SCHIP1: variants seen among roughly 807,000 people sequenced by gnomAD.
SCHIP1 encodes schwannomin interacting protein 1, also known as schwannomin-interacting protein 1.
In SCHIP1, 8 loss-of-function variants were observed where a neutral mutation model predicts 29.7. The observed-to-expected ratio is 0.27, with a 90% confidence interval of 0.16 to 0.49. SCHIP1 has a LOEUF of 0.49. SCHIP1 is among the 20% of genes least tolerant of loss of function. The pLI is 0.99. For missense variants in SCHIP1, 193 were observed against 294.6 expected (o/e 0.66, Z 2.52); for synonymous variants, 76 against 94.9 (o/e 0.80, Z 1.16).
the SCHIP1 span, among the ~76,000 whole-genome samples, chr3:159,717,248 T>G: frequency 1.3e-5 from 2 of 152,098 alleles, no homozygotes; most frequent in Non-Finnish European, 2.9e-5. Context: ...AGAGGGAAAT[T>G]TATAGCACTA....
At chr3:159,621,345 G>A in the SCHIP1 span, among the ~76,000 whole-genome samples, 11 of 152,302 alleles carry the variant, frequency 7.2e-5, 1 homozygote, top group East Asian at 7.7e-4. Context: ...ATTAAAGACC[G>A]CTTCTTTTTC....
the SCHIP1 span, among the ~76,000 whole-genome samples, chr3:159,399,181 T>C: frequency 6.6e-6 from 1 of 152,128 alleles, no homozygotes; most frequent in Non-Finnish European, 1.5e-5. Flanking sequence ...ATTATCTCCT[T>C]CAAGGCTTTG....
chr3:159,595,605 G>A, the SCHIP1 span, among the ~76,000 whole-genome samples: 3 of 152,066 alleles, frequency 2.0e-5, no homozygotes, highest in Non-Finnish European at 4.4e-5. Context: ...GTACCCTTGA[G>A]ATGAAAACTA....
At chr3:159,690,322 G>A in the SCHIP1 span, among the ~76,000 whole-genome samples, 2 of 152,234 alleles carry the variant, frequency 1.3e-5, no homozygotes. Context: ...GTTTAGTCTT[G>A]GGAGAGCTTA....
At chr3:159,624,694 A>C in the SCHIP1 span, among the ~76,000 whole-genome samples, 2 of 152,156 alleles carry the variant, frequency 1.3e-5, no homozygotes, top group African/African-American at 4.8e-5. Flanking sequence ...GCAGCTACAA[A>C]TAATAGCTAA....
chr3:159,563,634 T>C, the SCHIP1 span, among the ~76,000 whole-genome samples: 4 of 151,964 alleles, frequency 2.6e-5, no homozygotes, highest in African/African-American at 9.7e-5. Context: ...TTCAAGACCA[T>C]CCTGAGCAGC....
chr3:159,813,638 C>G, the SCHIP1 span, among the ~76,000 whole-genome samples: 178 of 151,498 alleles, frequency 1.2e-3, 1 homozygote, highest in African/African-American at 4.2e-3. Context: ...CACTGAGGAG[C>G]GATCACACCA....
At chr3:159,312,767 T>G in the SCHIP1 span, among the ~76,000 whole-genome samples, 1 of 152,276 alleles carries the variant, frequency 6.6e-6, no homozygotes, top group East Asian at 1.9e-4. Context: ...AGGTGGCTTC[T>G]TACCACCTGC....
At chr3:159,330,255 T>G in the SCHIP1 span, among the ~76,000 whole-genome samples, 1 of 152,188 alleles carries the variant, frequency 6.6e-6, no homozygotes, top group East Asian at 1.9e-4. Flanking sequence ...TTTTTTCTAT[T>G]TCTATGTGTT....
At chr3:159,371,334 G>A in the SCHIP1 span, among the ~76,000 whole-genome samples, 4 of 152,050 alleles carry the variant, frequency 2.6e-5, no homozygotes, top group South Asian at 2.1e-4. Flanking sequence ...CTAAACAACC[G>A]GGCAAGTTTA....
chr3:159,608,660 G>T, the SCHIP1 span, among the ~76,000 whole-genome samples: 1 of 152,194 alleles, frequency 6.6e-6, no homozygotes, highest in Non-Finnish European at 1.5e-5. Context: ...AATGGAAGTA[G>T]CTCTACAAAG....
chr3:159,379,224 T>G, the SCHIP1 span, among the ~76,000 whole-genome samples: 8 of 147,246 alleles, frequency 5.4e-5, no homozygotes, highest in African/African-American at 1.9e-4. Flanking sequence ...TTTTTTGGTT[T>G]TTGTTTTTTT....
chr3:159,390,414 G>A, the SCHIP1 span, among the ~76,000 whole-genome samples: 1 of 151,992 alleles, frequency 6.6e-6, no homozygotes, highest in Admixed American at 6.6e-5. Flanking sequence ...AGGCTTATCT[G>A]TTATACATGA....
At chr3:159,488,543 G>A in the SCHIP1 span, among the ~76,000 whole-genome samples, 1 of 152,130 alleles carries the variant, frequency 6.6e-6, no homozygotes, top group African/African-American at 2.4e-5. Context: ...GGGGACAGAG[G>A]GAAAGGTCTG....
chr3:159,810,882 A>G, the SCHIP1 span, among the ~76,000 whole-genome samples: 2 of 152,218 alleles, frequency 1.3e-5, no homozygotes, highest in Admixed American at 6.5e-5. Context: ...GAAACTGCCA[A>G]ACTGTTTTCC....
chr3:159,435,491 G>A, the SCHIP1 span, among the ~76,000 whole-genome samples: 1 of 152,068 alleles, frequency 6.6e-6, no homozygotes, highest in Non-Finnish European at 1.5e-5. Context: ...TCTCCCCATA[G>A]GTGCCAGCAC....
At chr3:159,286,845 T>G in the SCHIP1 span, among the ~76,000 whole-genome samples, 1 of 152,352 alleles carries the variant, frequency 6.6e-6, no homozygotes, top group East Asian at 1.9e-4. Context: ...TTTTTTCATA[T>G]GCTTGTTGGC....
the SCHIP1 span, among the ~76,000 whole-genome samples, chr3:159,514,526 C>T: frequency 3.3e-5 from 5 of 152,336 alleles, no homozygotes; most frequent in South Asian, 2.1e-4. Context: ...TGAATGAATG[C>T]GTCAGCTTCA....
intron 1 of SCHIP1, among the ~76,000 whole-genome samples, chr3:159,847,158 G>C (rs79758975): frequency 6.6e-6 from 1 of 152,152 alleles, no homozygotes; most frequent in African/African-American, 2.4e-5. Flanking sequence ...GGTGGTGATG[G>C]GGGGTGGGAA....
Sources: allele counts gnomAD v4.1 joint callset (sites outside exome capture counted in the v4.1 genomes callset), GRCh38; gene constraint gnomAD v4.1.1; transcripts MANE v1.5; gene names NCBI Gene and HGNC (gene_info 2026-07-23, HGNC 2026-07-21).